Variants in ZFYVE28 observed in about 807,000 individuals in gnomAD.
ZFYVE28 encodes the protein lateral signaling target protein 2 homolog.
In ZFYVE28, 40 loss-of-function variants were observed where a neutral mutation model predicts 82.1. That is an observed-to-expected ratio of 0.49 (90% CI 0.38 to 0.63). The LOEUF (loss-of-function observed/expected upper bound fraction) is 0.63. ZFYVE28 is among the 30% of genes least tolerant of loss of function. ZFYVE28 has a pLI of 0.00. For missense variants in ZFYVE28, 1,321 were observed against 1,242.1 expected (o/e 1.06, Z -0.96); for synonymous variants, 612 against 546.1 (o/e 1.12, Z -1.68).
chr4:2,389,761 A>C (rs547470252), intron 1 of ZFYVE28, among the ~76,000 whole-genome samples: 2 of 152,310 alleles, frequency 1.3e-5, no homozygotes, highest in South Asian at 4.1e-4. Flanking sequence ...AAAGCCCCTA[A>C]GGAGAGGTGG....
intron 1 of ZFYVE28, among the ~76,000 whole-genome samples, chr4:2,369,401 G>A (rs3128812): frequency 0.67 from 101,106 of 151,710 alleles, 34,019 homozygotes; most frequent in East Asian, 0.8. Context: ...AGAGGCCCTT[G>A]AGTAAGGAAA....
chr4:2,390,943 C>T (rs76113053), intron 1 of ZFYVE28, among the ~76,000 whole-genome samples: 1 of 152,358 alleles, frequency 6.6e-6, no homozygotes, highest in Non-Finnish European at 1.5e-5. Flanking sequence ...TTTCCCACTA[C>T]TCAGAAATCC....
At chr4:2,388,722 C>A (rs972251679) in intron 1 of ZFYVE28, among the ~76,000 whole-genome samples, 3 of 152,108 alleles carry the variant, frequency 2.0e-5, no homozygotes, top group Non-Finnish European at 4.4e-5. Flanking sequence ...GCTCCACTTC[C>A]GAGGGCTGGG....
chr4:2,376,168 T>C (rs1728112432), intron 1 of ZFYVE28, among the ~76,000 whole-genome samples: 1 of 151,180 alleles, frequency 6.6e-6, no homozygotes, highest in Admixed American at 6.6e-5. Flanking sequence ...CCACCGTGCC[T>C]GGCCCCAAAT....
At chr4:2,288,047 G>A (rs1276025467) in intron 8 of ZFYVE28, among the ~76,000 whole-genome samples, 4 of 152,094 alleles carry the variant, frequency 2.6e-5, no homozygotes, top group Admixed American at 1.3e-4. Context: ...GGGCCCTATC[G>A]AGGTGCAGTG....
rs1332580556 is a variant in ZFYVE28 at position 2,409,620 on chromosome 4, A to G, written c.39+8665T>C. ...GCTCAGGCAAGGCCCACATGGCCTG[A>G]CAGCCTTGGAGATTCCCACTGAGCA... On this transcript the variant is annotated intron_variant, in intron 1 of 12. Transcript: ENST00000290974. The surrounding 1 kb of genome is among the most constrained non-coding windows in gnomAD (Gnocchi z 4.4). Among the ~76,000 whole-genome samples the G allele has an allele frequency of 6.6e-6, 1 of 152,222 alleles. No homozygotes were observed. The highest frequency in any genetic ancestry group is 1.9e-4 in the East Asian group (1 of 5,202).
intron 1 of ZFYVE28, among the ~76,000 whole-genome samples, chr4:2,395,082 A>G (rs1480320949): frequency 6.6e-6 from 1 of 152,150 alleles, no homozygotes; most frequent in African/African-American, 2.4e-5. Context: ...ACCCAATAAG[A>G]TAACTGGCCA....
chr4:2,290,329 C>T (rs1011504225), intron 8 of ZFYVE28, among the ~76,000 whole-genome samples: 4 of 152,186 alleles, frequency 2.6e-5, no homozygotes, highest in Non-Finnish European at 4.4e-5. Context: ...AACAGGGTCT[C>T]GAACTCTTGG....
Position 2,270,612 on chromosome 4 carries a change from C to T in ZFYVE28, c.*113G>A, listed in dbSNP as rs758492409. The T allele has an allele frequency of 4.7e-6, 7 of 1,478,732 alleles. No individual in the cohort carries two copies. In the African/African-American group the frequency reaches 6.9e-5, roughly 15 times the overall value. The allele number at this position is 1,478,732 out of a possible 1,614,324, so 91.6% of individuals were successfully genotyped here. A position where few individuals can be genotyped will look rare whatever the true frequency, so the allele number is the denominator to read the frequency against. ...CTGGATGCTCTGGAGGTCTGGGTGCCCCTGCAGCAGCGGCAGCGGCCTCAT... is the reference window on the plus strand; with the variant it reads ...CTGGATGCTCTGGAGGTCTGGGTGCTCCTGCAGCAGCGGCAGCGGCCTCAT... On this transcript the variant is annotated 3_prime_UTR_variant, in exon 13 of 13. Coordinates refer to ENST00000290974, the MANE Select transcript of ZFYVE28 (RefSeq NM_020972.3).
rs549971334 is a variant in ZFYVE28 at position 2,337,415 on chromosome 4, C to T, written c.603G>A (p.Thr201=). 33 of 1,605,134 alleles carry T rather than the reference C, an allele frequency of 2.1e-5. No individual in the cohort carries two copies. The highest frequency in any genetic ancestry group is 1.9e-4 in the African/African-American group (14 of 74,780). Residue 201 remains threonine, a synonymous_variant, in exon 5 of 13, where the codon ACG becomes ACA. Coordinates refer to ENST00000290974, the MANE Select transcript of ZFYVE28 (RefSeq NM_020972.3). The part of the protein sequence containing the change: ...QQEVIVLFCE[T]VERALDFGYL... ...AGCATCCCTGTGCTCACCTCTCCAC[C>T]GTCTCGCAGAAGAGCACGATGACCT...
At chr4:2,331,883 C>T (rs1233835271) in intron 6 of ZFYVE28, among the ~76,000 whole-genome samples, 2 of 152,256 alleles carry the variant, frequency 1.3e-5, no homozygotes, top group Admixed American at 6.5e-5. Flanking sequence ...CCAGGCAGGC[C>T]TCCTCTGCCA....
intron 8 of ZFYVE28, among the ~76,000 whole-genome samples, chr4:2,289,823 C>T (rs1713323226): frequency 6.6e-6 from 1 of 152,036 alleles, no homozygotes; most frequent in African/African-American, 2.4e-5. Flanking sequence ...CTCAGGAGGT[C>T]CCAGAGATGT....
chr4:2,356,632 G>A (rs982466969), intron 1 of ZFYVE28, among the ~76,000 whole-genome samples: 8 of 152,192 alleles, frequency 5.3e-5, no homozygotes, highest in Non-Finnish European at 8.8e-5. Flanking sequence ...CCACAAGGTC[G>A]CAGTCGCCCA....
intron 8 of ZFYVE28, among the ~76,000 whole-genome samples, chr4:2,302,500 T>A (rs1364868152): frequency 6.6e-6 from 1 of 152,192 alleles, no homozygotes; most frequent in Non-Finnish European, 1.5e-5. Context: ...AGGAAGGACT[T>A]GGGAAACTGG....
At chr4:2,398,694 G>GCCCAAGATCCAGTGCACAATAGGT (rs1356496785) in intron 1 of ZFYVE28, among the ~76,000 whole-genome samples, 1 of 115,964 alleles carries the variant, frequency 8.6e-6, no homozygotes, top group Non-Finnish European at 1.8e-5. Context: ...GCACAATGGG[G>GCCCAAGATCCAGTGCACAATAGGT]GGTCGAGATC....
At chr4:2,319,728 G>A (rs1247981072) in intron 7 of ZFYVE28, among the ~76,000 whole-genome samples, 2 of 150,998 alleles carry the variant, frequency 1.3e-5, no homozygotes, top group South Asian at 2.1e-4. Context: ...GGACACAGAC[G>A]TAAACCAGTA....
At chr4:2,302,345 C>G (rs944688688) in intron 8 of ZFYVE28, among the ~76,000 whole-genome samples, 41 of 152,234 alleles carry the variant, frequency 2.7e-4, no homozygotes, top group African/African-American at 9.2e-4. Context: ...AATCAGCTGT[C>G]AATGGCAAGT....
intron 1 of ZFYVE28, among the ~76,000 whole-genome samples, chr4:2,400,431 C>G (rs13122092): frequency 0.85 from 128,750 of 151,770 alleles, 54,768 homozygotes; most frequent in Admixed American, 0.9. Context: ...AGGCATCTGT[C>G]CCACCGCAAT....
chr4:2,352,846 A>G (rs1251897816), intron 2 of ZFYVE28, among the ~76,000 whole-genome samples: 2 of 152,126 alleles, frequency 1.3e-5, no homozygotes, highest in Non-Finnish European at 2.9e-5. Flanking sequence ...CCCCTCCCCA[A>G]AGGTTGCCAT....
Sources: allele counts gnomAD v4.1 joint callset (sites outside exome capture counted in the v4.1 genomes callset), GRCh38; gene constraint gnomAD v4.1.1; non-coding constraint Gnocchi (gnomAD v3.1); transcripts MANE v1.5; gene names NCBI Gene and HGNC (gene_info 2026-07-23, HGNC 2026-07-21).